The following GNB1 variants were observed in gnomAD, a reference collection of about 807,000 sequenced individuals.
The protein encoded by GNB1 is guanine nucleotide-binding protein G(I)/G(S)/G(T) subunit beta-1.
Under a neutral mutation model 42.9 loss-of-function variants are expected in GNB1, and 2 were observed. The observed-to-expected ratio is 0.05, with a 90% confidence interval of 0.02 to 0.15. The LOEUF is 0.15. Ranked by LOEUF, GNB1 falls within the 10% of genes least tolerant of loss-of-function variation. GNB1 has a pLI of 1.00. For synonymous variants in GNB1, 183 were observed against 174.7 expected, an observed-to-expected ratio of 1.05 and a Z score of -0.38; for missense variants, 193 against 462.2, an observed-to-expected ratio of 0.42 and a Z score of 5.34.
At chr1:1,793,462 C>T in intron 7 of GNB1, 151 bp from the exon 8 acceptor site, 1 of 565,840 alleles carries the variant, frequency 1.8e-6, no homozygotes, top group Non-Finnish European at 3.4e-6. Flanking sequence ...TCTGTGCACA[C>T]AGCAGAAGGT....
intron 1 of GNB1, among the ~76,000 whole-genome samples, chr1:1,862,325 C>T (rs1026764208): frequency 2.6e-5 from 4 of 152,190 alleles, no homozygotes; most frequent in African/African-American, 7.2e-5. Context: ...CCTGGGACCT[C>T]CTCTTCGGAG....
chr1:1,864,335 AAGAAG>A (rs1648801465), intron 1 of GNB1, among the ~76,000 whole-genome samples: 2 of 123,168 alleles, frequency 1.6e-5, no homozygotes, highest in Non-Finnish European at 3.5e-5. Flanking sequence ...AAAAAAAAAA[AAGAAG>A]AAAACCCCAC....
rs1343416796 is a variant in GNB1 at position 1,807,462 on chromosome 1, T to TG, written c.204-925dup. On this transcript the variant is annotated intron_variant, in intron 5 of 11. Coordinates refer to ENST00000378609, the MANE Select transcript of GNB1 (RefSeq NM_002074.5). ...CTGGGCAACAGAGCGAGATCCTGAC[T>TG]GAAAAAAAAAAAAAAAAAAAAAAAA... is the stretch of plus-strand genomic sequence containing the variant. Among the ~76,000 whole-genome samples the TG allele has an allele frequency of 1.2e-3, 30 of 24,640 alleles. 1 individual carries two copies. In the South Asian group the frequency reaches 0.023, roughly 19 times the overall value. 16.2% of individuals were successfully genotyped at this position (24,640 alleles called of 152,430 possible).
intron 7 of GNB1, among the ~76,000 whole-genome samples, chr1:1,797,061 G>A (rs1025591454): frequency 1.3e-5 from 2 of 152,180 alleles, no homozygotes; most frequent in African/African-American, 4.8e-5. Context: ...GCTCTACCCA[G>A]CATGGCTGCC....
At chr1:1,842,244 C>T (rs1243113684) in intron 1 of GNB1, among the ~76,000 whole-genome samples, 6 of 152,206 alleles carry the variant, frequency 3.9e-5, no homozygotes, top group Non-Finnish European at 5.9e-5. Context: ...TCCTGGCTAA[C>T]ACGGTGAAAC....
intron 1 of GNB1, among the ~76,000 whole-genome samples, chr1:1,873,056 GTTT>G (rs981544654): frequency 2.1e-5 from 3 of 144,852 alleles, no homozygotes; most frequent in Admixed American, 1.4e-4. Context: ...GCTAAGCCTT[GTTT>G]TTTTTTTTTT....
At chr1:1,808,207 T>C (rs1646727843) in intron 5 of GNB1, among the ~76,000 whole-genome samples, 1 of 151,858 alleles carries the variant, frequency 6.6e-6, no homozygotes, top group Admixed American at 6.6e-5. Flanking sequence ...TTTCTCCACG[T>C]TAATCAGGCT....
chr1:1,794,437 G>A (rs1437243627), intron 7 of GNB1, among the ~76,000 whole-genome samples: 1 of 152,156 alleles, frequency 6.6e-6, no homozygotes, highest in Non-Finnish European at 1.5e-5. Flanking sequence ...GTTAGTGTGT[G>A]CCCAGGATTG....
chr1:1,890,879 G>A lies in GNB1; in HGVS notation c.-155C>T, dbSNP rs1316420851. 1.4e-5 allele frequency: 2 copies of A among 147,150 alleles called. No homozygotes were observed. The highest frequency in any genetic ancestry group is 3.0e-5 in the Non-Finnish European group (2 of 65,994). The allele number at this position is 147,150 out of a possible 1,614,324, so 9.1% of individuals were successfully genotyped here. A position where few individuals can be genotyped will look rare whatever the true frequency, so the allele number is the denominator to read the frequency against. ...CCGCCGCCTCGGCCGCCGCTCGGCA[G>A]GTCGTCGCGCTCGGGCCGCGCTGCG... On this transcript the variant is annotated 5_prime_UTR_variant, in exon 1 of 12. Coordinates refer to ENST00000378609, the MANE Select transcript of GNB1 (RefSeq NM_002074.5).
At chr1:1,850,516 C>G (rs768780178) in intron 1 of GNB1, among the ~76,000 whole-genome samples, 12 of 151,986 alleles carry the variant, frequency 7.9e-5, no homozygotes, top group Non-Finnish European at 1.3e-4. Context: ...TTCACTGATT[C>G]TTTCCTATCT....
At chr1:1,821,601 G>C (rs190878953) in intron 3 of GNB1, among the ~76,000 whole-genome samples, 67 of 152,260 alleles carry the variant, frequency 4.4e-4, no homozygotes, top group Admixed American at 1.8e-3. Context: ...GACTTCAACA[G>C]CTTTTGCTGT....
intron 2 of GNB1, 138 bp from the exon 3 acceptor site, chr1:1,825,637 G>A (rs1646987945): frequency 1.8e-6 from 1 of 563,508 alleles, no homozygotes; most frequent in South Asian, 1.8e-5. Flanking sequence ...GGCCGAGGCG[G>A]GCAGATCACG....
intron 1 of GNB1, among the ~76,000 whole-genome samples, chr1:1,872,398 T>A (rs1186424833): frequency 6.6e-6 from 1 of 152,220 alleles, no homozygotes; most frequent in Non-Finnish European, 1.5e-5. Flanking sequence ...GAATGCACCA[T>A]CTGCACGAGG....
At chr1:1,795,830 A>T (rs1335211066) in intron 7 of GNB1, among the ~76,000 whole-genome samples, 1 of 152,214 alleles carries the variant, frequency 6.6e-6, no homozygotes, top group Non-Finnish European at 1.5e-5. Context: ...TAGTGAAGCT[A>T]CACAGAATCC....
At chr1:1,828,910 C>T (rs1647036685) in intron 2 of GNB1, among the ~76,000 whole-genome samples, 1 of 151,736 alleles carries the variant, frequency 6.6e-6, no homozygotes, top group Admixed American at 6.6e-5. Context: ...CACACACACA[C>T]ACAATTTTTG....
chr1:1,888,006 T>C (rs1458021577), intron 1 of GNB1, among the ~76,000 whole-genome samples: 1 of 152,174 alleles, frequency 6.6e-6, no homozygotes, highest in Non-Finnish European at 1.5e-5. Flanking sequence ...CTGAGAAAAT[T>C]TACTTCAACT....
chr1:1,885,311 G>T, intron 1 of GNB1, among the ~76,000 whole-genome samples: 1 of 150,802 alleles, frequency 6.6e-6, no homozygotes, highest in East Asian at 2.1e-4. Context: ...TACTTGGGAG[G>T]CTGAGGCAGG....
intron 7 of GNB1, 122 bp downstream of exon 7, chr1:1,804,297 T>A: frequency 1.4e-6 from 1 of 700,500 alleles, no homozygotes; most frequent in Non-Finnish European, 2.3e-6. Context: ...AGACTCCGCC[T>A]CAAAAAAAAT....
chr1:1,831,838 G>A (rs1647080484), intron 2 of GNB1, among the ~76,000 whole-genome samples: 2 of 151,440 alleles, frequency 1.3e-5, no homozygotes, highest in Middle Eastern at 3.4e-3. Flanking sequence ...GCTGGCAGAT[G>A]GCTTGAGCTC....
Sources: allele counts gnomAD v4.1 joint callset (sites outside exome capture counted in the v4.1 genomes callset), GRCh38; gene constraint gnomAD v4.1.1; transcripts MANE v1.5; gene names NCBI Gene and HGNC (gene_info 2026-07-23, HGNC 2026-07-21).